Variants in KAT6B observed in about 807,000 individuals in gnomAD.
The protein encoded by KAT6B is lysine acetyltransferase 6B, also known as histone acetyltransferase KAT6B.
A neutral mutation model predicts 187.5 loss-of-function variants in KAT6B; 10 were observed. The ratio of observed to expected loss-of-function variants is 0.05; its 90% confidence interval spans 0.03 to 0.09. The LOEUF is 0.09. Ranked by LOEUF, KAT6B falls within the 10% of genes least tolerant of loss-of-function variation. The pLI, the probability that KAT6B is intolerant of heterozygous loss-of-function variation, is 1.00. For synonymous variants in KAT6B, 861 were observed against 926.8 expected, an observed-to-expected ratio of 0.93 and a Z score of 1.29; for missense variants, 1,952 against 2,558.9, an observed-to-expected ratio of 0.76 and a Z score of 5.12.
chr10:74,830,616 T>A (rs1489836421), intron 1 of KAT6B, among the ~76,000 whole-genome samples: 4 of 150,650 alleles, frequency 2.7e-5, no homozygotes, highest in Non-Finnish European at 5.9e-5. Context: ...TCCAGCAATA[T>A]ATGAATTCCC....
intron 13 of KAT6B, among the ~76,000 whole-genome samples, chr10:74,999,981 C>T (rs1390577944): frequency 1.3e-5 from 2 of 152,256 alleles, no homozygotes; most frequent in African/African-American, 4.8e-5. Context: ...TCAAGACCAG[C>T]CTGGCCAACA....
intron 3 of KAT6B, among the ~76,000 whole-genome samples, chr10:74,849,273 T>C (rs1842314351): frequency 6.7e-6 from 1 of 149,320 alleles, no homozygotes. Context: ...TGAGCTACTA[T>C]GCCCCATGCC....
intron 13 of KAT6B, among the ~76,000 whole-genome samples, chr10:75,012,899 G>T (rs182364469): frequency 6.6e-6 from 1 of 152,254 alleles, no homozygotes; most frequent in East Asian, 1.9e-4. Context: ...ATTCCACTCT[G>T]GAATGGACTT....
Position 75,020,620 on chromosome 10 carries a change from C to T in KAT6B, c.2668C>T (p.Pro890Ser). The T allele has an allele frequency of 6.2e-7, 1 of 1,614,262 alleles. No individual in the cohort carries two copies. Among genetic ancestry groups the T allele is most frequent in the Non-Finnish European group, 8.5e-7 (1 of 1,180,050 alleles). Residue 890 changes from proline (P) to serine (S), a missense_variant, in exon 14 of 18, where the codon CCT becomes TCT. Physicochemically the swap from Pro to Ser is moderately conservative, Grantham distance 74. Transcript: ENST00000287239. The part of the protein sequence containing the change: ...LSRREGQAGS[P>S]EKPLSDLGRL... Reference sequence around the variant, plus strand: ...TAGAAGAGAAGGCCAAGCAGGGTCTCCTGAAAAGCCTCTCTCCGATCTGGG... The same window carrying T: ...TAGAAGAGAAGGCCAAGCAGGGTCTTCTGAAAAGCCTCTCTCCGATCTGGG...
At chr10:74,888,152 G>A (rs182428718) in intron 3 of KAT6B, among the ~76,000 whole-genome samples, 295 of 152,322 alleles carry the variant, frequency 1.9e-3, no homozygotes, top group African/African-American at 6.6e-3. Context: ...GCACTGCCAG[G>A]CCAGAACCCA....
chr10:74,974,936 T>C (rs575383484), intron 7 of KAT6B, among the ~76,000 whole-genome samples: 1 of 152,374 alleles, frequency 6.6e-6, no homozygotes, highest in Non-Finnish European at 1.5e-5. Flanking sequence ...TATATAAGTT[T>C]GCAAATTGAA....
chr10:74,896,899 C>G (rs1371781928), intron 3 of KAT6B, among the ~76,000 whole-genome samples: 1 of 152,182 alleles, frequency 6.6e-6, no homozygotes, highest in Non-Finnish European at 1.5e-5. Context: ...TTATCTCACC[C>G]TAGATCAGCA....
At position 75,030,613 on chromosome 10, in the gene KAT6B, C is replaced by T. The variant is rs767826139; in HGVS notation, c.5789C>T (p.Ala1930Val). ...CACATCTCCATGAGAACCAAGTCAG[C>T]GTCTCTGTCACCAGCCGCTGCCACC... is the stretch of plus-strand genomic sequence containing the variant. ...KGHISMRTKS[A>V]SLSPAAATHQ... is the part of the protein sequence containing the mutation. Residue 1930 changes from alanine to valine, a missense_variant, in exon 18 of 18, where the codon GCG becomes GTG. This residue lies in a region of KAT6B where 358 missense variants were observed against 436.3 expected (regional missense o/e 0.82). Transcript: ENST00000287239. This position sits in a 1 kb window ranked among gnomAD's most constrained non-coding sequence, Gnocchi z 4.8. 9.3e-6 allele frequency: 15 copies of T among 1,612,934 alleles called. No homozygotes were observed. The highest frequency in any genetic ancestry group is 1.7e-4 in the Middle Eastern group (1 of 6,060).
In KAT6B at chr10:74,843,451, C is replaced by G; in HGVS notation, c.594C>G (p.Val198=). 1.2e-6 allele frequency: 2 copies of G among 1,613,852 alleles called. No individual in the cohort carries two copies. Among genetic ancestry groups the G allele is most frequent in the Non-Finnish European group, 1.7e-6 (2 of 1,180,032 alleles). Residue 198 remains valine (V), a synonymous_variant, in exon 3 of 18, where the codon GTC becomes GTG. Transcript: ENST00000287239. ...PSAFPSSLPP[V]SLLPHEKDQP... is the part of the protein sequence containing the mutation. ...CATTCCCATCCTCGCTCCCACCTGT[C>G]AGCCTTCTACCCCATGAGAAAGACC...
At chr10:75,011,214 C>G (rs1297478744) in intron 13 of KAT6B, among the ~76,000 whole-genome samples, 1 of 152,034 alleles carries the variant, frequency 6.6e-6, no homozygotes, top group Non-Finnish European at 1.5e-5. Context: ...CTAATGTAGA[C>G]TTTTGCCTAT....
chr10:75,029,537 C>T lies in KAT6B; in HGVS notation c.4713C>T (p.Ser1571=). Residue 1571 remains serine, a synonymous_variant, in exon 18 of 18, where the codon AGC becomes AGT. Coordinates refer to ENST00000287239, the MANE Select transcript of KAT6B (RefSeq NM_012330.4). This position sits in a 1 kb window ranked among gnomAD's most constrained non-coding sequence, Gnocchi z 6.2. ...CCGAGACTCAAGAGGCCTGTAGAAGCCTACAGAACTACACCCGTGCAGACC... is the reference window on the plus strand; with the variant it reads ...CCGAGACTCAAGAGGCCTGTAGAAGTCTACAGAACTACACCCGTGCAGACC... The part of the protein sequence containing the change: ...DCAETQEACR[S]LQNYTRADQS... 1 of 1,614,140 alleles carries T rather than the reference C, an allele frequency of 6.2e-7. No homozygotes were observed. The highest frequency in any genetic ancestry group is 8.5e-7 in the Non-Finnish European group (1 of 1,180,012).
At chr10:74,925,306 TGCTGGGATTACA>T (rs917081906) in intron 3 of KAT6B, among the ~76,000 whole-genome samples, 3 of 152,278 alleles carry the variant, frequency 2.0e-5, no homozygotes, top group Admixed American at 6.5e-5. Context: ...CCTCCAAAAG[TGCTGGGATTACA>T]GGCGTGAGCC....
intron 4 of KAT6B, among the ~76,000 whole-genome samples, chr10:74,962,369 C>T (rs1426051869): frequency 6.6e-6 from 1 of 152,146 alleles, no homozygotes; most frequent in Non-Finnish European, 1.5e-5. Context: ...CAACAGTGTC[C>T]TCAAATAATG....
chr10:74,971,872 CT>C (rs1158820903), intron 6 of KAT6B, among the ~76,000 whole-genome samples: 1 of 151,992 alleles, frequency 6.6e-6, no homozygotes, highest in East Asian at 1.9e-4. Flanking sequence ...GCTATTTGTT[CT>C]ATCATGCTTA....
At chr10:74,913,015 C>T (rs1847359652) in intron 3 of KAT6B, among the ~76,000 whole-genome samples, 1 of 152,102 alleles carries the variant, frequency 6.6e-6, no homozygotes, top group Non-Finnish European at 1.5e-5. Context: ...TATGATAATC[C>T]TGGAGATAAA....
rs991697365 is a variant in KAT6B, at chr10:74,940,527, G to C, written c.622-19443G>C. Among the ~76,000 whole-genome samples, 18 of 150,918 alleles carry C rather than the reference G, an allele frequency of 1.2e-4. 1 individual carries two copies. The highest frequency in any genetic ancestry group is 2.4e-4 in the Non-Finnish European group (16 of 67,892). On this transcript the variant is annotated intron_variant, in intron 3 of 17. Coordinates refer to ENST00000287239, the MANE Select transcript of KAT6B (RefSeq NM_012330.4). ...TTGACCTCGTGATTCGCCCGCCTCAGCCTCCCAGAGTGTTGGGATTACAGG... is the reference window on the plus strand; with the variant it reads ...TTGACCTCGTGATTCGCCCGCCTCACCCTCCCAGAGTGTTGGGATTACAGG...
At chr10:74,872,420 G>A (rs1844059324) in intron 3 of KAT6B, among the ~76,000 whole-genome samples, 1 of 152,184 alleles carries the variant, frequency 6.6e-6, no homozygotes, top group African/African-American at 2.4e-5. Flanking sequence ...CTGTCACCCA[G>A]GCTGGAGTGC....
intron 17 of KAT6B, among the ~76,000 whole-genome samples, chr10:75,027,832 A>G (rs2134226319): frequency 6.6e-6 from 1 of 152,292 alleles, no homozygotes; most frequent in Admixed American, 6.5e-5. Context: ...ATGTTCAGGA[A>G]TTTGCTAGTA....
chr10:75,008,662 A>G (rs932174484), intron 13 of KAT6B, among the ~76,000 whole-genome samples: 1 of 152,232 alleles, frequency 6.6e-6, no homozygotes, highest in East Asian at 1.9e-4. Context: ...AGTTGCATCC[A>G]GTTAAAAACT....
Sources: allele counts gnomAD v4.1 joint callset (sites outside exome capture counted in the v4.1 genomes callset), GRCh38; gene constraint gnomAD v4.1.1; regional missense constraint gnomAD v4.1.1; non-coding constraint Gnocchi (gnomAD v3.1); transcripts MANE v1.5; gene names NCBI Gene and HGNC (gene_info 2026-07-23, HGNC 2026-07-21).